The following LCLAT1 variants were observed in gnomAD, a reference collection of about 807,000 sequenced individuals.
LCLAT1 encodes the protein lysocardiolipin acyltransferase 1.
A neutral mutation model predicts 30.7 loss-of-function variants in LCLAT1; 11 were observed. The observed-to-expected ratio is 0.36, with a 90% CI of 0.23 to 0.59. The LOEUF (loss-of-function observed/expected upper bound fraction) is 0.59. LCLAT1 is among the 20% of genes least tolerant of loss of function. LCLAT1 has a pLI of 0.77. For synonymous variants in LCLAT1, 155 were observed against 151.3 expected, an observed-to-expected ratio of 1.02 and a Z score of -0.18; for missense variants, 402 against 458.6, an observed-to-expected ratio of 0.88 and a Z score of 1.13.
At chr2:30,598,464 C>T (rs755112353) in intron 5 of LCLAT1, among the ~76,000 whole-genome samples, 6 of 146,328 alleles carry the variant, frequency 4.1e-5, no homozygotes, top group Non-Finnish European at 9.0e-5. Context: ...CTCTGATGGT[C>T]GTTTGTATTT....
At chr2:30,610,075 A>G (rs1667661108) in intron 5 of LCLAT1, among the ~76,000 whole-genome samples, 1 of 152,150 alleles carries the variant, frequency 6.6e-6, no homozygotes, top group African/African-American at 2.4e-5. Context: ...TACAAATTGA[A>G]CATAGCCATA....
At chr2:30,579,370 T>C (rs1666120008) in intron 5 of LCLAT1, among the ~76,000 whole-genome samples, 1 of 152,192 alleles carries the variant, frequency 6.6e-6, no homozygotes, top group Admixed American at 6.5e-5. Context: ...CGTAAATGCA[T>C]ATAATCTGAA....
chr2:30,526,059 G>T (rs1685704307), intron 2 of LCLAT1, among the ~76,000 whole-genome samples: 1 of 152,156 alleles, frequency 6.6e-6, no homozygotes, highest in South Asian at 2.1e-4. Context: ...ATCCATGATT[G>T]GTTGAATTCA....
intron 1 of LCLAT1, chr2:30,459,816 GT>G: frequency 1.2e-6 from 1 of 827,962 alleles, no homozygotes; most frequent in Non-Finnish European, 2.0e-6. Flanking sequence ...GTTTGTTCCT[GT>G]TTATGTTGTA....
intron 5 of LCLAT1, among the ~76,000 whole-genome samples, chr2:30,572,044 CAGG>C (rs1178042332): frequency 7.9e-5 from 12 of 152,198 alleles, no homozygotes; most frequent in Non-Finnish European, 1.3e-4. Flanking sequence ...AAATTTGCCT[CAGG>C]AGAAGTATGC....
At chr2:30,625,302 G>C (rs1272814522) in intron 5 of LCLAT1, among the ~76,000 whole-genome samples, 1 of 152,178 alleles carries the variant, frequency 6.6e-6, no homozygotes, top group East Asian at 1.9e-4. Flanking sequence ...AAAGCTGGCT[G>C]TTTGCAAAGT....
At chr2:30,567,071 G>A (rs1031356872) in intron 4 of LCLAT1, among the ~76,000 whole-genome samples, 2 of 152,138 alleles carry the variant, frequency 1.3e-5, no homozygotes, top group Admixed American at 1.3e-4. Flanking sequence ...ATATTTGATT[G>A]CTAGTTATTT....
intron 5 of LCLAT1, among the ~76,000 whole-genome samples, chr2:30,624,147 C>G (rs879691905): frequency 5.9e-5 from 9 of 152,184 alleles, no homozygotes; most frequent in African/African-American, 2.2e-4. Flanking sequence ...CAAAATACAC[C>G]GAAATAGAAC....
intron 1 of LCLAT1, among the ~76,000 whole-genome samples, chr2:30,523,218 T>C (rs991087983): frequency 6.7e-6 from 1 of 149,866 alleles, no homozygotes; most frequent in African/African-American, 2.5e-5. Context: ...GCGGGGTGGG[T>C]GTATAAAAGG....
rs182853172 is a variant in LCLAT1 at position 30,589,702 on chromosome 2, T to G, written c.628+21526T>G. 2.0e-4 allele frequency among the ~76,000 whole-genome samples: 31 copies of G among 152,324 alleles called. No homozygotes were observed. In the East Asian group the frequency reaches 3.9e-3, roughly 19 times the overall value. ...GAAAAGCAAATGAAAAACACAAATG[T>G]GTATACACACAGATAGCTTTTATTT... On this transcript the variant is annotated intron_variant, in intron 5 of 5. Coordinates refer to ENST00000379509, the MANE Select transcript of LCLAT1 (RefSeq NM_001002257.3).
At chr2:30,618,041 T>C (rs1179291362) in intron 5 of LCLAT1, among the ~76,000 whole-genome samples, 1 of 152,140 alleles carries the variant, frequency 6.6e-6, no homozygotes. Context: ...CAATGTCCTA[T>C]GTAAGAAACT....
At chr2:30,461,965 G>C (rs1200026361) in intron 1 of LCLAT1, among the ~76,000 whole-genome samples, 1 of 151,188 alleles carries the variant, frequency 6.6e-6, no homozygotes. Flanking sequence ...GTAGAGACGG[G>C]GTTTCACTGT....
chr2:30,552,664 G>A, intron 3 of LCLAT1: 1 of 293,466 alleles, frequency 3.4e-6, no homozygotes, highest in Non-Finnish European at 7.1e-6. Context: ...GTTCAGAAAA[G>A]ATAGATCTTC....
chr2:30,532,592 C>T (rs1181638044), intron 2 of LCLAT1, among the ~76,000 whole-genome samples: 1 of 152,002 alleles, frequency 6.6e-6, no homozygotes, highest in Non-Finnish European at 1.5e-5. Flanking sequence ...GGTACTAAGG[C>T]TTGTAGTATT....
chr2:30,526,290 G>A (rs1179817873), intron 2 of LCLAT1, among the ~76,000 whole-genome samples: 2 of 151,904 alleles, frequency 1.3e-5, no homozygotes, highest in Non-Finnish European at 2.9e-5. Flanking sequence ...TGTCACAAAG[G>A]CTCTCTTCCT....
chr2:30,567,757 G>A (rs1665559786), intron 4 of LCLAT1, among the ~76,000 whole-genome samples: 1 of 152,150 alleles, frequency 6.6e-6, no homozygotes, highest in African/African-American at 2.4e-5. Context: ...TAGAACACTA[G>A]TTCACTATCT....
At chr2:30,491,203 C>T (rs1683820081) in intron 1 of LCLAT1, among the ~76,000 whole-genome samples, 1 of 152,052 alleles carries the variant, frequency 6.6e-6, no homozygotes, top group Non-Finnish European at 1.5e-5. Flanking sequence ...AACCCAAGTA[C>T]ATCTGTAAAT....
intron 5 of LCLAT1, among the ~76,000 whole-genome samples, chr2:30,602,058 G>A (rs13389142): frequency 0.13 from 19,242 of 152,058 alleles, 1,349 homozygotes; most frequent in South Asian, 0.23. Context: ...TTAGGTAGGA[G>A]ACTTGGTTGT....
At chr2:30,595,421 G>T (rs1666888521) in intron 5 of LCLAT1, among the ~76,000 whole-genome samples, 1 of 152,116 alleles carries the variant, frequency 6.6e-6, no homozygotes, top group Middle Eastern at 3.4e-3. Context: ...CTATCAAGAT[G>T]CCTCCACCAT....
Sources: allele counts gnomAD v4.1 joint callset (sites outside exome capture counted in the v4.1 genomes callset), GRCh38; gene constraint gnomAD v4.1.1; transcripts MANE v1.5; gene names NCBI Gene and HGNC (gene_info 2026-07-23, HGNC 2026-07-21).